Variants in NWD2 observed in about 807,000 individuals in gnomAD.
The protein encoded by NWD2 is NACHT and WD repeat domain containing 2, also known as NACHT and WD repeat domain-containing protein 2.
Under a neutral mutation model 132.7 loss-of-function variants are expected in NWD2, and 37 were observed. The ratio of observed to expected loss-of-function variants is 0.28; its 90% CI spans 0.21 to 0.37. The LOEUF is 0.37. NWD2 is among the 10% of genes least tolerant of loss of function. The probability of loss-of-function intolerance (pLI) is 1.00; values close to 1 mark genes in which losing one functional copy is unlikely to be tolerated. For synonymous variants in NWD2, 705 were observed against 803.0 expected (o/e 0.88, Z 2.06); for missense variants, 1,592 against 2,122.4 (o/e 0.75, Z 4.91).
intron 1 of NWD2, among the ~76,000 whole-genome samples, chr4:37,305,675 C>T (rs1718696961): frequency 6.6e-6 from 1 of 152,082 alleles, no homozygotes; most frequent in Non-Finnish European, 1.5e-5. Flanking sequence ...GGGATAAATC[C>T]TAGTTGACTG....
chr4:37,375,857 G>A (rs1469732735), intron 3 of NWD2, among the ~76,000 whole-genome samples: 1 of 152,162 alleles, frequency 6.6e-6, no homozygotes, highest in Non-Finnish European at 1.5e-5. Context: ...GTGAGCCACC[G>A]CGCCTGGCCT....
At chr4:37,335,058 C>CAAA (rs1719372107) in intron 2 of NWD2, among the ~76,000 whole-genome samples, 1 of 152,118 alleles carries the variant, frequency 6.6e-6, no homozygotes, top group Non-Finnish European at 1.5e-5. Flanking sequence ...TCATCCTCCA[C>CAAA]AATGTTGCTA....
At chr4:37,304,887 G>A (rs1185153984) in intron 1 of NWD2, among the ~76,000 whole-genome samples, 1 of 152,202 alleles carries the variant, frequency 6.6e-6, no homozygotes, top group African/African-American at 2.4e-5. Flanking sequence ...CCACTAGGCA[G>A]TGCCCCGGCA....
intron 1 of NWD2, among the ~76,000 whole-genome samples, chr4:37,291,569 T>C (rs920991384): frequency 2.6e-5 from 4 of 152,152 alleles, no homozygotes; most frequent in Non-Finnish European, 5.9e-5. Flanking sequence ...ATTGATACTT[T>C]GGGAAAGAGT....
chr4:37,291,427 A>C (rs1200344036), intron 1 of NWD2, among the ~76,000 whole-genome samples: 3 of 152,192 alleles, frequency 2.0e-5, no homozygotes, highest in Non-Finnish European at 4.4e-5. Flanking sequence ...TAATTACATC[A>C]GTCTAGTAGG....
intron 3 of NWD2, among the ~76,000 whole-genome samples, chr4:37,424,946 G>C (rs958546302): frequency 1.3e-5 from 2 of 152,132 alleles, no homozygotes; most frequent in Admixed American, 1.3e-4. Flanking sequence ...GCAGAGTGGA[G>C]AGAAATCAAT....
intron 2 of NWD2, among the ~76,000 whole-genome samples, chr4:37,339,895 A>C (rs1425848903): frequency 6.6e-6 from 1 of 150,852 alleles, no homozygotes; most frequent in African/African-American, 2.4e-5. Flanking sequence ...ACGTGTACGT[A>C]TTATTTAGTT....
At chr4:37,380,204 T>C (rs1720425704) in intron 3 of NWD2, among the ~76,000 whole-genome samples, 1 of 152,126 alleles carries the variant, frequency 6.6e-6, no homozygotes, top group South Asian at 2.1e-4. Flanking sequence ...GGCTAGAAAA[T>C]TGTAGTTGGA....
rs945243775 is a variant in NWD2, at chr4:37,251,170, T to C, written c.151+5952T>C. On this transcript the variant is annotated intron_variant, in intron 1 of 6. Transcript: ENST00000309447. ...GGTGGGCGCCTGTAATCCCAGCTAC[T>C]TGGGAGGCTGAGGCAGGAGAAATGC... is the stretch of plus-strand genomic sequence containing the variant. 2.0e-5 allele frequency among the ~76,000 whole-genome samples: 3 copies of C among 152,070 alleles called. No homozygotes were observed. The East Asian group carries it at 5.8e-4, about 29-fold the overall frequency.
chr4:37,310,965 A>T (rs1278942633), intron 1 of NWD2, among the ~76,000 whole-genome samples: 6 of 151,848 alleles, frequency 4.0e-5, no homozygotes, highest in African/African-American at 1.5e-4. Context: ...ACATGAACTC[A>T]TCATTTTTTA....
intron 1 of NWD2, among the ~76,000 whole-genome samples, chr4:37,275,400 C>G (rs1403200778): frequency 6.6e-6 from 1 of 152,086 alleles, no homozygotes; most frequent in East Asian, 1.9e-4. Flanking sequence ...AGGAGAACTA[C>G]AAACCACTGC....
At position 37,245,173 on chromosome 4, in the gene NWD2, C is replaced by A; in HGVS notation, c.106C>A (p.Pro36Thr). The change falls in exon 1 of 7, where the codon CCC (proline) becomes ACC (threonine). Residue 36 changes from proline to threonine, a missense_variant. Transcript: ENST00000309447. ...CACGGCCCTGCCCTCTCACCTCGTG[C>A]CCGCCGGCCGCAGCGTCCGGGTCTT... The part of the protein sequence containing the change: ...NLTALPSHLV[P>T]AGRSVRVFIS... 6.5e-7 allele frequency: 1 copy of A among 1,545,062 alleles called. No homozygotes were observed. The highest frequency in any genetic ancestry group is 8.7e-7 in the Non-Finnish European group (1 of 1,146,212).
At chr4:37,338,798 T>G (rs971294752) in intron 2 of NWD2, among the ~76,000 whole-genome samples, 2 of 152,210 alleles carry the variant, frequency 1.3e-5, no homozygotes, top group Non-Finnish European at 2.9e-5. Flanking sequence ...CCAATCTCCT[T>G]CTCTGGACAT....
Position 37,447,320 on chromosome 4 carries a change from T to C in NWD2, c.*103T>C. On this transcript the variant is annotated 3_prime_UTR_variant, in exon 7 of 7. Coordinates refer to ENST00000309447, the MANE Select transcript of NWD2 (RefSeq NM_001144990.2). ...TTCATTTATTAAAAGGCAGGAGCGA[T>C]GCTGGAATTCCAGTGTTTTATTAAG... The C allele has an allele frequency of 1.1e-6, 1 of 872,912 alleles. No individual in the cohort carries two copies. Among genetic ancestry groups the C allele is most frequent in the Non-Finnish European group, 1.7e-6 (1 of 576,856 alleles). The allele number at this position is 872,912 out of a possible 1,614,324, so 54.1% of individuals were successfully genotyped here.
intron 1 of NWD2, 32 bp from the exon 2 acceptor site, chr4:37,325,902 ACT>A (rs1296201079): frequency 7.7e-7 from 1 of 1,296,068 alleles, no homozygotes. Flanking sequence ...GTGTGGACAT[ACT>A]CACTTCCTGT....
intron 3 of NWD2, among the ~76,000 whole-genome samples, chr4:37,386,025 A>G (rs1438155528): frequency 1.3e-5 from 2 of 152,200 alleles, no homozygotes; most frequent in Non-Finnish European, 2.9e-5. Context: ...TCCTCAGCAC[A>G]TCACACTACC....
chr4:37,273,012 A>G (rs990120395), intron 1 of NWD2, among the ~76,000 whole-genome samples: 3 of 151,776 alleles, frequency 2.0e-5, no homozygotes, highest in South Asian at 2.1e-4. Context: ...AGTTCACCCA[A>G]TAGATTCAAG....
chr4:37,351,217 C>T (rs1719753870), intron 2 of NWD2, among the ~76,000 whole-genome samples: 1 of 152,164 alleles, frequency 6.6e-6, no homozygotes, highest in African/African-American at 2.4e-5. Flanking sequence ...GGAGGATTCC[C>T]TCTTTTTCTA....
At chr4:37,346,693 A>T (rs1719644674) in intron 2 of NWD2, among the ~76,000 whole-genome samples, 1 of 151,814 alleles carries the variant, frequency 6.6e-6, no homozygotes, top group Non-Finnish European at 1.5e-5. Context: ...TCTTTCGACA[A>T]TTTTTCTGTA....
Sources: allele counts gnomAD v4.1 joint callset (sites outside exome capture counted in the v4.1 genomes callset), GRCh38; gene constraint gnomAD v4.1.1; transcripts MANE v1.5; gene names NCBI Gene and HGNC (gene_info 2026-07-23, HGNC 2026-07-21).